Variants in BACH2 observed in about 807,000 individuals in gnomAD.
The protein encoded by BACH2 is transcription regulator protein BACH2.
A neutral mutation model predicts 61.8 loss-of-function variants in BACH2; 5 were observed. The observed-to-expected ratio is 0.08, with a 90% CI of 0.04 to 0.17. BACH2 has a LOEUF of 0.17. Among genes scored for constraint, BACH2 ranks in the 10% least tolerant of loss-of-function variants. The pLI is 1.00. For missense variants in BACH2, 824 were observed against 1,091.1 expected (o/e 0.76, Z 3.45); for synonymous variants, 446 against 440.1 (o/e 1.01, Z -0.17).
At chr6:90,106,480 G>A (rs1782919221) in intron 4 of BACH2, among the ~76,000 whole-genome samples, 1 of 152,170 alleles carries the variant, frequency 6.6e-6, no homozygotes, top group Non-Finnish European at 1.5e-5. Context: ...GTACAGGTTT[G>A]TGGCCTAGGA....
intron 5 of BACH2, among the ~76,000 whole-genome samples, chr6:90,052,543 C>A (rs1019717130): frequency 6.6e-6 from 1 of 152,156 alleles, no homozygotes; most frequent in African/African-American, 2.4e-5. Flanking sequence ...CCTCAGCCTC[C>A]CGAGCAGTTG....
chr6:89,972,191 C>T (rs968149627), intron 6 of BACH2, among the ~76,000 whole-genome samples: 8 of 152,096 alleles, frequency 5.3e-5, no homozygotes, highest in African/African-American at 9.7e-5. Flanking sequence ...TGTCCGCCGC[C>T]GAGGCTGGCC....
At chr6:90,147,537 T>C (rs1414445508) in intron 4 of BACH2, among the ~76,000 whole-genome samples, 2 of 152,158 alleles carry the variant, frequency 1.3e-5, no homozygotes, top group African/African-American at 2.4e-5. Context: ...AGTTTCATTG[T>C]CTAGAAGGAG....
intron 5 of BACH2, among the ~76,000 whole-genome samples, chr6:90,022,154 A>AT (rs940475658): frequency 1.7e-4 from 26 of 152,158 alleles, no homozygotes; most frequent in East Asian, 5.8e-4. Context: ...ACAAGTCCCA[A>AT]TTTTTTTTGC....
chr6:89,966,876 T>G (rs112784160), intron 6 of BACH2, among the ~76,000 whole-genome samples: 64 of 152,302 alleles, frequency 4.2e-4, no homozygotes, highest in African/African-American at 1.3e-3. Flanking sequence ...TTATTTTTAA[T>G]TTTTGTAGAG....
chr6:90,099,730 A>G (rs974357567), intron 4 of BACH2, among the ~76,000 whole-genome samples: 3 of 152,326 alleles, frequency 2.0e-5, no homozygotes, highest in African/African-American at 7.2e-5. Flanking sequence ...GGTGGCCAGG[A>G]CCACTTACGT....
rs912073159 is a variant in BACH2, at chr6:89,992,544, G to A, written c.243+16058C>T. Among the ~76,000 whole-genome samples, 4 of 152,328 alleles carry A rather than the reference G, an allele frequency of 2.6e-5. No individual in the cohort carries two copies. The South Asian group carries it at 8.3e-4, about 32-fold the overall frequency. The stretch of plus-strand genomic sequence containing the variant: ...AATCCCAGCTACTTGGGAGGCTGAG[G>A]CAGAAGAATATCACCTGAACCCGGG... On this transcript the variant is annotated intron_variant, in intron 6 of 8. Transcript: ENST00000257749.
At chr6:90,131,377 T>A (rs147818049) in intron 4 of BACH2, among the ~76,000 whole-genome samples, 4 of 152,320 alleles carry the variant, frequency 2.6e-5, no homozygotes, top group African/African-American at 9.6e-5. Context: ...AAAGAAAGGG[T>A]CACCTTTGTG....
At chr6:90,130,035 A>G (rs553515474) in intron 4 of BACH2, among the ~76,000 whole-genome samples, 2 of 151,950 alleles carry the variant, frequency 1.3e-5, no homozygotes, top group East Asian at 1.9e-4. Flanking sequence ...GTGCCTGGCT[A>G]ATTTTTATAT....
At chr6:90,104,847 G>A (rs1782830169) in intron 4 of BACH2, among the ~76,000 whole-genome samples, 1 of 152,186 alleles carries the variant, frequency 6.6e-6, no homozygotes, top group Non-Finnish European at 1.5e-5. Flanking sequence ...GAAGGAGCAG[G>A]AAAGAAGGAA....
intron 3 of BACH2, among the ~76,000 whole-genome samples, chr6:90,219,673 G>A (rs1198317174): frequency 6.6e-6 from 1 of 152,176 alleles, no homozygotes; most frequent in African/African-American, 2.4e-5. Context: ...TCTACTGAGT[G>A]CTGACACTTG....
At chr6:90,248,626 G>C (rs926693717) in intron 3 of BACH2, among the ~76,000 whole-genome samples, 17 of 152,216 alleles carry the variant, frequency 1.1e-4, no homozygotes, top group Non-Finnish European at 2.1e-4. Context: ...AAAATGAAAA[G>C]TGGGAGGTGG....
intron 4 of BACH2, among the ~76,000 whole-genome samples, chr6:90,092,290 AAATAT>A (rs1408118791): frequency 6.3e-5 from 3 of 47,738 alleles, no homozygotes; most frequent in African/African-American, 9.2e-5. Context: ...TAAAAAAAAA[AAATAT>A]ATATATATAT....
chr6:90,109,709 G>T (rs184483237), intron 4 of BACH2, among the ~76,000 whole-genome samples: 4 of 152,024 alleles, frequency 2.6e-5, no homozygotes, highest in African/African-American at 9.7e-5. Context: ...AGCTGCTTGG[G>T]ACAAATATCT....
intron 5 of BACH2, among the ~76,000 whole-genome samples, chr6:90,030,063 T>C (rs1325342648): frequency 6.6e-6 from 1 of 152,228 alleles, no homozygotes; most frequent in Middle Eastern, 3.2e-3. Flanking sequence ...CATTGCCCAT[T>C]GGCTCTATAC....
chr6:90,107,663 ATTTTT>A (rs35319113), intron 4 of BACH2, among the ~76,000 whole-genome samples: 1 of 134,740 alleles, frequency 7.4e-6, no homozygotes, highest in Non-Finnish European at 1.6e-5. Flanking sequence ...TCTATTTGTG[ATTTTT>A]TTTTTTTTTT....
intron 4 of BACH2, among the ~76,000 whole-genome samples, chr6:90,178,953 G>A (rs994027256): frequency 7.2e-5 from 11 of 152,246 alleles, no homozygotes; most frequent in Middle Eastern, 3.4e-3. Flanking sequence ...CCTGTGCTCT[G>A]GGATACATGC....
intron 3 of BACH2, among the ~76,000 whole-genome samples, chr6:90,250,972 A>T (rs1770789067): frequency 2.0e-5 from 3 of 152,210 alleles, no homozygotes; most frequent in Non-Finnish European, 4.4e-5. Context: ...AAGAGGTTAA[A>T]CAATTTATCC....
At chr6:90,047,384 C>T (rs560996968) in intron 5 of BACH2, among the ~76,000 whole-genome samples, 1 of 152,296 alleles carries the variant, frequency 6.6e-6, no homozygotes, top group South Asian at 2.1e-4. Context: ...TAGAGTTATA[C>T]TGGCACGTCC....
Sources: allele counts gnomAD v4.1 joint callset (sites outside exome capture counted in the v4.1 genomes callset), GRCh38; gene constraint gnomAD v4.1.1; transcripts MANE v1.5; gene names NCBI Gene and HGNC (gene_info 2026-07-23, HGNC 2026-07-21).